Variants in CFAP299 observed in about 807,000 individuals in gnomAD.
The protein encoded by CFAP299 is cilia- and flagella-associated protein 299.
CFAP299 carries 21 observed loss-of-function variants against 27.0 expected under a neutral mutation model. The observed-to-expected ratio is 0.78, with a 90% CI of 0.55 to 1.12. The LOEUF (loss-of-function observed/expected upper bound fraction) is 1.12, where lower values mean the gene tolerates loss of function less well. Ranked by LOEUF, CFAP299 falls within the 50% of genes most tolerant of loss-of-function variation. The pLI is 0.00. For missense variants in CFAP299, 310 were observed against 276.6 expected, an observed-to-expected ratio of 1.12 and a Z score of -0.86; for synonymous variants, 104 against 98.1, an observed-to-expected ratio of 1.06 and a Z score of -0.36.
At chr4:80,704,580 A>G (rs997334471) in intron 3 of CFAP299, among the ~76,000 whole-genome samples, 1 of 151,834 alleles carries the variant, frequency 6.6e-6, no homozygotes, top group African/African-American at 2.4e-5. Context: ...GGTTAAGTTT[A>G]TAATAGATAT....
At chr4:80,584,499 A>G (rs1736333553) in intron 3 of CFAP299, among the ~76,000 whole-genome samples, 2 of 152,034 alleles carry the variant, frequency 1.3e-5, no homozygotes, top group African/African-American at 2.4e-5. Flanking sequence ...ATAATTTCCA[A>G]TTTCTTTCCA....
chr4:80,915,278 G>T (rs1052691782), intron 4 of CFAP299, among the ~76,000 whole-genome samples: 19 of 151,456 alleles, frequency 1.3e-4, no homozygotes, highest in African/African-American at 4.4e-4. Flanking sequence ...GTTTTACAGG[G>T]TTTTTTTTAA....
chr4:80,912,247 C>T (rs917809442), intron 4 of CFAP299, among the ~76,000 whole-genome samples: 2 of 152,124 alleles, frequency 1.3e-5, no homozygotes, highest in Admixed American at 6.6e-5. Context: ...TCTTAAATTA[C>T]CTCCACTGGG....
intron 2 of CFAP299, chr4:80,388,201 G>A: frequency 4.3e-6 from 3 of 694,664 alleles, no homozygotes; most frequent in Non-Finnish European, 5.4e-6. Context: ...AGGTGAGGTG[G>A]CTGGGCACAG....
chr4:80,902,589 A>ACACACG (rs1734981576), intron 4 of CFAP299, among the ~76,000 whole-genome samples: 1 of 139,234 alleles, frequency 7.2e-6, no homozygotes, highest in Non-Finnish European at 1.6e-5. Flanking sequence ...TAATATATAC[A>ACACACG]CACACACACA....
intron 3 of CFAP299, among the ~76,000 whole-genome samples, chr4:80,592,394 A>G (rs1446971891): frequency 1.3e-5 from 2 of 152,206 alleles, no homozygotes; most frequent in East Asian, 3.8e-4. Context: ...AATTGTAAGA[A>G]AAAACTTCTG....
intron 1 of CFAP299, among the ~76,000 whole-genome samples, chr4:80,351,129 T>C (rs142389036): frequency 1.3e-3 from 197 of 152,240 alleles, no homozygotes; most frequent in African/African-American, 4.3e-3. Flanking sequence ...TTACTAGAAA[T>C]GTTTAATGAA....
intron 3 of CFAP299, among the ~76,000 whole-genome samples, chr4:80,681,998 G>A (rs964861061): frequency 6.6e-6 from 1 of 152,184 alleles, no homozygotes; most frequent in Non-Finnish European, 1.5e-5. Flanking sequence ...GATACAAGGT[G>A]TTATTGGGAT....
chr4:80,448,225 T>C (rs1254296763), intron 2 of CFAP299, among the ~76,000 whole-genome samples: 1 of 152,244 alleles, frequency 6.6e-6, no homozygotes, highest in East Asian at 1.9e-4. Context: ...GCAGCTGGGT[T>C]GTGTCTGGTG....
chr4:80,860,747 C>G (rs561993044), intron 3 of CFAP299, among the ~76,000 whole-genome samples: 1 of 152,162 alleles, frequency 6.6e-6, no homozygotes, highest in Admixed American at 6.5e-5. Flanking sequence ...GCGAATGTTG[C>G]TCTCTGATCG....
Position 80,542,862 on chromosome 4 carries a change from C to A in CFAP299, c.243-40231C>A, listed in dbSNP as rs1437930018. Reference sequence around the variant, plus strand: ...CTTTGGAGCATATTTGCCTATGGTGCCCCTGATGCCCCACCAGAGTGCTTC... The same window carrying A: ...CTTTGGAGCATATTTGCCTATGGTGACCCTGATGCCCCACCAGAGTGCTTC... On this transcript the variant is annotated intron_variant, in intron 2 of 5. Coordinates refer to ENST00000358105, the MANE Select transcript of CFAP299 (RefSeq NM_152770.3). Among the ~76,000 whole-genome samples, 4 of 152,030 alleles carry A rather than the reference C, an allele frequency of 2.6e-5. No homozygotes were observed. In the East Asian group the frequency reaches 7.8e-4, roughly 29 times the overall value.
chr4:80,935,638 T>A (rs556569965), intron 4 of CFAP299, among the ~76,000 whole-genome samples: 1 of 152,236 alleles, frequency 6.6e-6, no homozygotes, highest in African/African-American at 2.4e-5. Flanking sequence ...GGCAATACCA[T>A]TCTGGATATA....
intron 4 of CFAP299, among the ~76,000 whole-genome samples, chr4:80,922,200 T>A (rs1736079580): frequency 6.6e-6 from 1 of 152,082 alleles, no homozygotes; most frequent in South Asian, 2.1e-4. Flanking sequence ...TTAGCCTTAA[T>A]ATATTGTTCT....
chr4:80,854,730 C>A (rs186275027), intron 3 of CFAP299, among the ~76,000 whole-genome samples: 2 of 135,546 alleles, frequency 1.5e-5, no homozygotes, highest in South Asian at 2.5e-4. Flanking sequence ...AAATTGGGAG[C>A]GTGGGCGTTT....
At chr4:80,540,758 G>GT (rs1448131743) in intron 2 of CFAP299, among the ~76,000 whole-genome samples, 1 of 152,126 alleles carries the variant, frequency 6.6e-6, no homozygotes, top group Non-Finnish European at 1.5e-5. Flanking sequence ...ATGATCTAAA[G>GT]TAAATATTGT....
intron 3 of CFAP299, among the ~76,000 whole-genome samples, chr4:80,756,819 A>G (rs1042362457): frequency 1.3e-5 from 2 of 152,196 alleles, no homozygotes; most frequent in African/African-American, 4.8e-5. Context: ...TAAAGTATCT[A>G]GCTAGATCAA....
At chr4:80,751,190 T>A (rs2110070883) in intron 3 of CFAP299, among the ~76,000 whole-genome samples, 1 of 152,166 alleles carries the variant, frequency 6.6e-6, no homozygotes, top group South Asian at 2.1e-4. Context: ...TTGAATGAGG[T>A]TTTCCTGGGA....
At chr4:80,511,082 T>C (rs1366165168) in intron 2 of CFAP299, among the ~76,000 whole-genome samples, 1 of 152,180 alleles carries the variant, frequency 6.6e-6, no homozygotes, top group Non-Finnish European at 1.5e-5. Context: ...GAAGAAGCAA[T>C]ATAATGCGGT....
At chr4:80,358,539 G>A (rs1040806734) in intron 1 of CFAP299, among the ~76,000 whole-genome samples, 60 of 151,860 alleles carry the variant, frequency 4.0e-4, no homozygotes, top group African/African-American at 1.3e-3. Flanking sequence ...CATATATTTC[G>A]GATAGTTAAA....
Sources: allele counts gnomAD v4.1 joint callset (sites outside exome capture counted in the v4.1 genomes callset), GRCh38; gene constraint gnomAD v4.1.1; transcripts MANE v1.5; gene names NCBI Gene and HGNC (gene_info 2026-07-23, HGNC 2026-07-21).